The following PLK5 variants were observed in gnomAD, a reference collection of about 807,000 sequenced individuals.
PLK5 encodes inactive serine/threonine-protein kinase PLK5.
PLK5 carries 28 observed loss-of-function variants against 33.7 expected under a neutral mutation model. The ratio of observed to expected loss-of-function variants is 0.83; its 90% CI spans 0.62 to 1.14. The LOEUF is 1.14. Among genes scored for constraint, PLK5 ranks in the 50% most tolerant of loss-of-function variants. PLK5 has a pLI of 0.00. For missense variants in PLK5, 492 were observed against 461.5 expected (o/e 1.07, Z -0.61); for synonymous variants, 225 against 202.2 (o/e 1.11, Z -0.96).
intron 9 of PLK5, 53 bp from the exon 10 acceptor site, chr19:1,529,353 T>G (rs1913854864): frequency 6.9e-7 from 1 of 1,455,678 alleles, no homozygotes; most frequent in African/African-American, 1.4e-5. Flanking sequence ...ACCTCACGCC[T>G]GTCCCTGGGG....
intron 10 of PLK5, 67 bp from the exon 11 acceptor site, chr19:1,529,680 G>T: frequency 6.8e-7 from 1 of 1,476,358 alleles, no homozygotes; most frequent in Non-Finnish European, 9.2e-7. Flanking sequence ...TGGGGAGGGG[G>T]ACTGGTTGGA....
At chr19:1,533,798 C>G (rs1488650344) in intron 12 of PLK5, 133 bp from the exon 13 acceptor site, 1 of 699,246 alleles carries the variant, frequency 1.4e-6, no homozygotes. Flanking sequence ...GGGCGCCAAG[C>G]TGGCCGTGCT....
Position 1,524,523 on chromosome 19 carries a change from T to C in PLK5, c.-544+277T>C, listed in dbSNP as rs1913678264. 6.6e-6 allele frequency among the ~76,000 whole-genome samples: 1 copy of C among 152,112 alleles called. No homozygotes were observed. The highest frequency in any genetic ancestry group is 2.4e-5 in the African/African-American group (1 of 41,424). The stretch of plus-strand genomic sequence containing the variant: ...CGACGCTGTGTTGCCCCTGGGTGTG[T>C]GTGCGAGCCTGGCGAGGGTCTGAGT... On this transcript the variant is annotated intron_variant, in intron 1 of 13. Coordinates refer to ENST00000454744, the MANE Select transcript of PLK5 (RefSeq NM_001243079.2). This position sits in a 1 kb window ranked among gnomAD's most constrained non-coding sequence, Gnocchi z 4.5.
At chr19:1,534,295 T>G (rs1264969970) in intron 13 of PLK5, among the ~76,000 whole-genome samples, 2 of 150,664 alleles carry the variant, frequency 1.3e-5, no homozygotes, top group Admixed American at 1.3e-4. Context: ...GATCGCAAGG[T>G]GAAGAGTTTG....
intron 11 of PLK5, among the ~76,000 whole-genome samples, chr19:1,530,854 G>A (rs1370992483): frequency 4.5e-4 from 68 of 151,368 alleles, no homozygotes; most frequent in Non-Finnish European, 7.4e-5. Context: ...TCCTGACCTC[G>A]TGATCCGCCT....
rs1224425315 is a variant in PLK5, at chr19:1,528,433, G to A, written c.328+5G>A. 1 of 1,530,714 alleles carries A rather than the reference G, an allele frequency of 6.5e-7. No homozygotes were observed. The highest frequency in any genetic ancestry group is 1.2e-5 in the South Asian group (1 of 83,602). The allele number at this position is 1,530,714 out of a possible 1,614,324, so 94.8% of individuals were successfully genotyped here. The stretch of plus-strand genomic sequence containing the variant: ...TCACCCAGTGCCGGCCACCCTGTAA[G>A]TACCACCCCCGCCCACACCTGCCCA... On this transcript the variant is annotated splice_donor_5th_base_variant and intron_variant, in intron 8 of 13. Transcript: ENST00000454744.
At chr19:1,531,998 T>A in intron 12 of PLK5, 115 bp downstream of exon 12, 1 of 1,199,838 alleles carries the variant, frequency 8.3e-7, no homozygotes, top group Non-Finnish European at 1.1e-6. Context: ...GCTCCCTGCC[T>A]GGTCGGGGAG....
chr19:1,527,966 C>T lies in PLK5; in HGVS notation c.33C>T (p.Phe11=). 1 of 1,535,990 alleles carries T rather than the reference C, an allele frequency of 6.5e-7. No homozygotes were observed. Among genetic ancestry groups the T allele is most frequent in the Non-Finnish European group, 8.7e-7 (1 of 1,146,772 alleles). Residue 11 remains phenylalanine, a synonymous_variant, in exon 7 of 14, where the codon TTC becomes TTT. Coordinates refer to ENST00000454744, the MANE Select transcript of PLK5 (RefSeq NM_001243079.2). ...CGGTGCTGACTGGCACCCCACCCTT[C>T]ATGGCCTCACCCCTGTCGGAGATGT... MYTVLTGTPP[F]MASPLSEMYQ... is the part of the protein sequence containing the mutation.
chr19:1,526,801 G>T lies in PLK5; in HGVS notation c.-95+10G>T. The T allele has an allele frequency of 1.5e-6, 1 of 653,922 alleles. No homozygotes were observed. Among genetic ancestry groups the T allele is most frequent in the Non-Finnish European group, 2.6e-6 (1 of 378,646 alleles). The allele number at this position is 653,922 out of a possible 1,614,324, so 40.5% of individuals were successfully genotyped here. On this transcript the variant is annotated intron_variant, in intron 5 of 13. Transcript: ENST00000454744. ...GGGGCCGCTGCCACAGGTGAGAGCC[G>T]GGGGGAGGGCTCTGAGCAGTCCGTC...
chr19:1,531,952 GTATT>G (rs1342859352), intron 12 of PLK5, 69 bp downstream of exon 12: 11 of 1,411,178 alleles, frequency 7.8e-6, no homozygotes, highest in Non-Finnish European at 9.2e-6. Context: ...CATCTCTCAA[GTATT>G]TATTAAGCAC....
At chr19:1,532,223 T>C (rs757583956) in intron 12 of PLK5, among the ~76,000 whole-genome samples, 1 of 151,970 alleles carries the variant, frequency 6.6e-6, no homozygotes, top group Non-Finnish European at 1.5e-5. Context: ...CTGGACAACA[T>C]AGCAAGACCC....
chr19:1,527,594 C>A (rs535176891), intron 6 of PLK5, among the ~76,000 whole-genome samples: 109 of 143,122 alleles, frequency 7.6e-4, no homozygotes, highest in Middle Eastern at 3.6e-3. Context: ...AGAATGAGAC[C>A]CTGTCTTTAA....
At chr19:1,527,105 G>A (rs987411778) in intron 6 of PLK5, 107 bp downstream of exon 6, 24 of 1,217,144 alleles carry the variant, frequency 2.0e-5, no homozygotes, top group Middle Eastern at 2.4e-4. Flanking sequence ...GGTGGGGCGC[G>A]TGGAACAGGC....
At chr19:1,534,211 A>T (rs1190218483) in intron 13 of PLK5, among the ~76,000 whole-genome samples, 170 bp downstream of exon 13, 1 of 151,920 alleles carries the variant, frequency 6.6e-6, no homozygotes, top group Non-Finnish European at 1.5e-5. Context: ...AGCATGGAAA[A>T]TGCATGACGT....
In PLK5 at chr19:1,527,953, G is replaced by A. The variant is rs748172117; in HGVS notation, c.20G>A (p.Gly7Asp). 39 of 1,534,958 alleles carry A rather than the reference G, an allele frequency of 2.5e-5. No individual in the cohort carries two copies. The Middle Eastern group carries it at 6.7e-4, about 26-fold the overall frequency. ...TGGCCCAGGTACACGGTGCTGACTG[G>A]CACCCCACCCTTCATGGCCTCACCC... Reference protein sequence around the residue: MYTVLTGTPPFMASPLS... With the variant: MYTVLTDTPPFMASPLS... Residue 7 changes from glycine to aspartate, a missense_variant, in exon 7 of 14, where the codon GGC (glycine) becomes GAC (aspartate). Coordinates refer to ENST00000454744, the MANE Select transcript of PLK5 (RefSeq NM_001243079.2).
chr19:1,531,879 G>A lies in PLK5; in HGVS notation c.710G>A (p.Arg237Gln), dbSNP rs1279212609. The A allele has an allele frequency of 2.9e-5, 43 of 1,488,304 alleles. No individual in the cohort carries two copies. The highest frequency in any genetic ancestry group is 3.6e-5 in the Non-Finnish European group (41 of 1,123,514). The allele number at this position is 1,488,304 out of a possible 1,614,324, so 92.2% of individuals were successfully genotyped here. A position where few individuals can be genotyped will look rare whatever the true frequency, so the allele number is the denominator to read the frequency against. The change falls in exon 12 of 14, where the codon CGG becomes CAG. Residue 237 changes from arginine (R) to glutamine (Q), a missense_variant. By Grantham distance (43) the Arg-to-Gln change is conservative. Coordinates refer to ENST00000454744, the MANE Select transcript of PLK5 (RefSeq NM_001243079.2). ...GRHPHGPATPRREGTLPTPVP... is the reference protein window; with the variant it reads ...GRHPHGPATPQREGTLPTPVP... ...CACCCACATGGCCCTGCGACCCCCC[G>A]GAGGGTAAGTTGTGGCCTCCTGTGC... is the stretch of plus-strand genomic sequence containing the variant.
chr19:1,529,798 A>T lies in PLK5; in HGVS notation c.542A>T (p.Gln181Leu), dbSNP rs968785749. The change falls in exon 11 of 14, where the codon CAG (glutamine) becomes CTG (leucine). Residue 181 changes from glutamine to leucine, a missense_variant. By Grantham distance (113) the Gln-to-Leu change is moderately radical (BLOSUM62 -2). Coordinates refer to ENST00000454744, the MANE Select transcript of PLK5 (RefSeq NM_001243079.2). ...GTGGAGGCGGCCCTCAGACACCTGC[A>T]GCTGTGCCTGGATGTAGGCCCCCCG... ...PEVEAALRHL[Q>L]LCLDVGPPAT... 7.8e-6 allele frequency: 12 copies of T among 1,535,824 alleles called. No homozygotes were observed. Among genetic ancestry groups the T allele is most frequent in the Non-Finnish European group, 1.0e-5 (12 of 1,146,860 alleles).
At position 1,526,506 on chromosome 19, in the gene PLK5, G is replaced by T; in HGVS notation, c.-292G>T. The T allele has an allele frequency of 3.7e-6, 1 of 273,026 alleles. No homozygotes were observed. Among genetic ancestry groups the T allele is most frequent in the Non-Finnish European group, 7.3e-6 (1 of 136,858 alleles). The allele number at this position is 273,026 out of a possible 1,614,324, so 16.9% of individuals were successfully genotyped here. ...CACAGTCTTTGGCCCACGTGCTGAG[G>T]GCGCGGCAGATCCTGACGGAGCCAG... On this transcript the variant is annotated 5_prime_UTR_variant, in exon 4 of 14. Transcript: ENST00000454744.
intron 9 of PLK5, among the ~76,000 whole-genome samples, 175 bp from the exon 10 acceptor site, chr19:1,529,231 T>C (rs1913851253): frequency 6.6e-6 from 1 of 152,164 alleles, no homozygotes; most frequent in Non-Finnish European, 1.5e-5. Flanking sequence ...TCACATTTAT[T>C]GAGCACCTAC....
Sources: gnomAD v4.1 joint callset for allele counts (sites outside exome capture counted in the v4.1 genomes callset) on GRCh38, gnomAD v4.1.1 for gene constraint, Gnocchi (gnomAD v3.1) non-coding constraint, MANE v1.5 for transcripts, NCBI Gene and HGNC (gene_info 2026-07-23, HGNC 2026-07-21) for gene names.